ARHGEF10: variants seen among roughly 807,000 people sequenced by gnomAD.
ARHGEF10 encodes Rho guanine nucleotide exchange factor 10.
In ARHGEF10, 140 loss-of-function variants were observed where a neutral mutation model predicts 147.4. The ratio of observed to expected loss-of-function variants is 0.95; its 90% confidence interval spans 0.83 to 1.09. The LOEUF is 1.09. Among genes scored for constraint, ARHGEF10 ranks in the 50% least tolerant of loss-of-function variants. ARHGEF10 has a pLI of 0.00. For synonymous variants in ARHGEF10, 902 were observed against 695.8 expected, an observed-to-expected ratio of 1.30 and a Z score of -4.67; for missense variants, 2,222 against 1,752.7, an observed-to-expected ratio of 1.27 and a Z score of -4.78.
intron 18 of ARHGEF10, among the ~76,000 whole-genome samples, chr8:1,922,717 C>G (rs994943768): frequency 2.0e-5 from 3 of 152,176 alleles, no homozygotes; most frequent in African/African-American, 7.2e-5. Flanking sequence ...ATGTTATCCT[C>G]TGAGGAAGCC....
At chr8:1,874,368 GGATT>G (rs1196424341) in intron 7 of ARHGEF10, among the ~76,000 whole-genome samples, 1 of 152,156 alleles carries the variant, frequency 6.6e-6, no homozygotes, top group Non-Finnish European at 1.5e-5. Context: ...TGAGAGAGCT[GGATT>G]GATTGATTAG....
intron 2 of ARHGEF10, among the ~76,000 whole-genome samples, chr8:1,855,059 C>T (rs1805448506): frequency 1.3e-5 from 2 of 152,070 alleles, no homozygotes; most frequent in Middle Eastern, 3.2e-3. Flanking sequence ...CTGTTCACGG[C>T]CTTCCTTCCT....
intron 18 of ARHGEF10, among the ~76,000 whole-genome samples, chr8:1,921,949 C>G (rs1197290026): frequency 2.0e-5 from 3 of 152,012 alleles, no homozygotes; most frequent in East Asian, 3.9e-4. Context: ...GTTTTTTGAC[C>G]TTAGACAATT....
intron 5 of ARHGEF10, 75 bp from the exon 6 acceptor site, chr8:1,866,447 ACACT>A (rs1563200298): frequency 8.5e-6 from 9 of 1,054,810 alleles, no homozygotes; most frequent in Non-Finnish European, 1.3e-5. Context: ...ACACACACAC[ACACT>A]CTGCAGGGCA....
chr8:1,869,474 C>G (rs111801715), intron 7 of ARHGEF10: 53,563 of 660,896 alleles, frequency 0.081, 2,748 homozygotes, highest in Non-Finnish European at 0.11. Flanking sequence ...TTACTTATCC[C>G]AAGCAAACAG....
intron 15 of ARHGEF10, among the ~76,000 whole-genome samples, chr8:1,898,828 C>T (rs1483944590): frequency 6.6e-6 from 1 of 152,080 alleles, no homozygotes; most frequent in Non-Finnish European, 1.5e-5. Flanking sequence ...GGCCCCAGCA[C>T]TGGGGGGCCG....
rs185011046 is a variant in ARHGEF10 at position 1,936,493 on chromosome 8, G to C, written c.3222+2551G>C. On this transcript the variant is annotated intron_variant, in intron 26 of 28. Coordinates refer to ENST00000349830, the MANE Select transcript of ARHGEF10 (RefSeq NM_014629.4). ...CTGCTATACTCCAGCCTGGGCAACA[G>C]AGTAAGACCCTGTCTCAAAAAAAAA... 2.6e-3 allele frequency among the ~76,000 whole-genome samples: 401 copies of C among 152,242 alleles called. 1 individual carries two copies. Among genetic ancestry groups the C allele is most frequent in the African/African-American group, 9.2e-3 (384 of 41,542 alleles).
At chr8:1,888,315 G>C (rs1467786699) in intron 11 of ARHGEF10, among the ~76,000 whole-genome samples, 2 of 56,892 alleles carry the variant, frequency 3.5e-5, no homozygotes, top group African/African-American at 1.5e-4. Context: ...GTGAGGATAT[G>C]CTGAGTGGGA....
intron 22 of ARHGEF10, 124 bp downstream of exon 22, chr8:1,925,528 C>G: frequency 1.5e-6 from 2 of 1,349,692 alleles, no homozygotes; most frequent in Non-Finnish European, 2.0e-6. Context: ...ACCACAGTGA[C>G]CGCTTCTCTA....
intron 1 of ARHGEF10, among the ~76,000 whole-genome samples, chr8:1,829,550 G>C (rs1349799590): frequency 6.6e-6 from 1 of 152,252 alleles, no homozygotes; most frequent in Admixed American, 6.5e-5. Context: ...GAGAGGCCCT[G>C]ACCCACGTCC....
intron 28 of ARHGEF10, among the ~76,000 whole-genome samples, chr8:1,954,799 C>G (rs913682663): frequency 2.0e-5 from 3 of 152,248 alleles, no homozygotes; most frequent in Non-Finnish European, 4.4e-5. Flanking sequence ...TTGCATTTTC[C>G]TAGCTGTCCC....
chr8:1,946,484 C>T (rs1358266876), intron 27 of ARHGEF10, among the ~76,000 whole-genome samples: 1 of 152,188 alleles, frequency 6.6e-6, no homozygotes, highest in Non-Finnish European at 1.5e-5. Context: ...TCCTGCTTTG[C>T]AGTTGGTGCC....
chr8:1,940,234 C>A (rs763437346), intron 26 of ARHGEF10, among the ~76,000 whole-genome samples: 2 of 152,302 alleles, frequency 1.3e-5, no homozygotes, highest in East Asian at 3.9e-4. Context: ...AAAATCCTCT[C>A]TATGGAAGTC....
chr8:1,862,930 C>T lies in ARHGEF10; in HGVS notation c.482-1443C>T, dbSNP rs371783014. ...AGTAGCTGGGACTACAGGCGCCCGC[C>T]ACCACGCCCGGCTAATTTTTTGTAT... On this transcript the variant is annotated intron_variant, in intron 4 of 28. Transcript: ENST00000349830. Among the ~76,000 whole-genome samples, 7 of 151,958 alleles carry T rather than the reference C, an allele frequency of 4.6e-5. No homozygotes were observed. In the East Asian group the frequency reaches 7.8e-4, roughly 17 times the overall value.
At chr8:1,860,222 T>C (rs1262411176) in intron 4 of ARHGEF10, 38 bp downstream of exon 4, 2 of 1,598,408 alleles carry the variant, frequency 1.3e-6, no homozygotes. Flanking sequence ...CGAAGTGGCC[T>C]GTGGTTCCCT....
intron 6 of ARHGEF10, 53 bp downstream of exon 6, chr8:1,866,655 C>T (rs1225230533): frequency 1.9e-6 from 3 of 1,545,712 alleles, no homozygotes; most frequent in Non-Finnish European, 2.7e-6. Flanking sequence ...CCACAGACGT[C>T]ACTGCGGCGG....
chr8:1,954,932 A>G (rs1366627058), intron 28 of ARHGEF10, among the ~76,000 whole-genome samples: 1 of 148,510 alleles, frequency 6.7e-6, no homozygotes, highest in African/African-American at 2.5e-5. Context: ...AGGTGCCCTC[A>G]TTGCCTCTGG....
chr8:1,843,485 C>A (rs1415594441), intron 2 of ARHGEF10, 49 bp downstream of exon 2: 1 of 1,436,058 alleles, frequency 7.0e-7, no homozygotes, highest in Non-Finnish European at 9.8e-7. Flanking sequence ...TGCTGCTGCT[C>A]TCATCAAGGA....
Position 1,875,029 on chromosome 8 carries a change from A to G in ARHGEF10, c.680-1542A>G, listed in dbSNP as rs13272337. Among the ~76,000 whole-genome samples the G allele has an allele frequency of 0.025, 678 of 27,142 alleles. 17 individuals are homozygous for G. The East Asian group carries it at 0.39, about 16-fold the overall frequency. 17.8% of individuals were successfully genotyped at this position (27,142 alleles called of 152,430 possible). A position where few individuals can be genotyped will look rare whatever the true frequency, so the allele number is the denominator to read the frequency against. ...ACACACACCAGGGCGTGTAGGGGGT[A>G]GAGGTTCTAAGACAGGCTGGAGGAA... On this transcript the variant is annotated intron_variant, in intron 7 of 28. Coordinates refer to ENST00000349830, the MANE Select transcript of ARHGEF10 (RefSeq NM_014629.4).
Sources: gnomAD v4.1 joint callset for allele counts (sites outside exome capture counted in the v4.1 genomes callset) on GRCh38, gnomAD v4.1.1 for gene constraint, MANE v1.5 for transcripts, NCBI Gene and HGNC (gene_info 2026-07-23, HGNC 2026-07-21) for gene names.